Variants in AKT3 observed in about 807,000 individuals in gnomAD.
AKT3 encodes AKT serine/threonine kinase 3.
In AKT3, 15 loss-of-function variants were observed where a neutral mutation model predicts 65.3. The observed-to-expected ratio is 0.23, with a 90% CI of 0.15 to 0.35. AKT3 has a LOEUF of 0.35. AKT3 is among the 10% of genes least tolerant of loss of function. The pLI is 1.00. For synonymous variants in AKT3, 206 were observed against 183.8 expected (o/e 1.12, Z -0.98); for missense variants, 243 against 576.5 (o/e 0.42, Z 5.92).
intron 11 of AKT3, among the ~76,000 whole-genome samples, chr1:243,547,396 A>C (rs920689653): frequency 2.6e-5 from 4 of 152,210 alleles, no homozygotes; most frequent in Non-Finnish European, 5.9e-5. Context: ...ATAATATACA[A>C]CCAGCTCATA....
chr1:243,836,200 ATACAAG>A (rs1350865421), intron 2 of AKT3, among the ~76,000 whole-genome samples: 2 of 152,292 alleles, frequency 1.3e-5, no homozygotes, highest in East Asian at 3.9e-4. Flanking sequence ...AGTTGAAAAG[ATACAAG>A]ATGCAAACAC....
intron 10 of AKT3, among the ~76,000 whole-genome samples, chr1:243,562,367 T>C (rs539412994): frequency 6.6e-6 from 1 of 152,282 alleles, no homozygotes; most frequent in African/African-American, 2.4e-5. Context: ...GCTGGAGTGA[T>C]GAAAATATTC....
chr1:243,584,356 C>T (rs1049683190), intron 8 of AKT3, among the ~76,000 whole-genome samples: 6 of 151,976 alleles, frequency 3.9e-5, no homozygotes, highest in African/African-American at 1.2e-4. Flanking sequence ...CCAAACAAGA[C>T]GGATTCACAG....
rs551977624 is a variant in AKT3 at position 243,703,710 on chromosome 1, G to A, written c.47-7994C>T. Among the ~76,000 whole-genome samples, 175 of 142,990 alleles carry A rather than the reference G, an allele frequency of 1.2e-3. 1 individual carries two copies. The highest frequency in any genetic ancestry group is 2.0e-3 in the Non-Finnish European group (134 of 66,694). 93.8% of individuals were successfully genotyped at this position (142,990 alleles called of 152,430 possible). A position where few individuals can be genotyped will look rare whatever the true frequency, so the allele number is the denominator to read the frequency against. ...AGGAAGCGGGAGGTTGCAGTGAGCC[G>A]AGATTGCACCACTGCACTCCAATCT... On this transcript the variant is annotated intron_variant, in intron 2 of 13. Transcript: ENST00000673466.
chr1:243,569,903 T>C (rs1574626534), intron 9 of AKT3, among the ~76,000 whole-genome samples: 1 of 152,232 alleles, frequency 6.6e-6, no homozygotes, highest in Non-Finnish European at 1.5e-5. Flanking sequence ...AACATATAAT[T>C]TGGACTACTG....
At chr1:243,730,925 C>T (rs966345857) in intron 2 of AKT3, among the ~76,000 whole-genome samples, 6 of 152,204 alleles carry the variant, frequency 3.9e-5, no homozygotes, top group African/African-American at 1.2e-4. Context: ...CACAGCTGGC[C>T]GGACCCTGTG....
chr1:243,735,986 T>C lies in AKT3; in HGVS notation c.47-40270A>G, dbSNP rs1473716164. ...CAGTGGTAAGTAATTTAGGGGGAGATGCATTTAGCTTTGGTTATATTTAGC... is the reference window on the plus strand; with the variant it reads ...CAGTGGTAAGTAATTTAGGGGGAGACGCATTTAGCTTTGGTTATATTTAGC... On this transcript the variant is annotated intron_variant, in intron 2 of 13. Transcript: ENST00000673466. Among the ~76,000 whole-genome samples the C allele has an allele frequency of 2.6e-5, 4 of 152,240 alleles. No individual in the cohort carries two copies. In the East Asian group the frequency reaches 7.7e-4, roughly 29 times the overall value.
chr1:243,589,314 A>AAG (rs1676043571), intron 8 of AKT3, among the ~76,000 whole-genome samples: 2 of 150,246 alleles, frequency 1.3e-5, no homozygotes, highest in South Asian at 4.2e-4. Context: ...CTCAAAAAAA[A>AAG]AAAAAAAAAA....
intron 4 of AKT3, among the ~76,000 whole-genome samples, chr1:243,647,118 C>G (rs1189761150): frequency 1.3e-5 from 2 of 152,128 alleles, no homozygotes; most frequent in Admixed American, 6.5e-5. Flanking sequence ...CTTTAATTTC[C>G]CAATGCAATG....
chr1:243,741,914 T>C (rs1055250833), intron 2 of AKT3: 2 of 152,074 alleles, frequency 1.3e-5, no homozygotes, highest in African/African-American at 2.4e-5. Flanking sequence ...TTATTCCAAT[T>C]AGACTATGAG....
At position 243,558,262 on chromosome 1, in the gene AKT3, T is replaced by C. The variant is rs139029363; in HGVS notation, c.949-5319A>G. Among the ~76,000 whole-genome samples, 130 of 152,224 alleles carry C rather than the reference T, an allele frequency of 8.5e-4. 1 individual carries two copies. Among genetic ancestry groups the C allele is most frequent in the African/African-American group, 2.9e-3 (121 of 41,576 alleles). On this transcript the variant is annotated intron_variant, in intron 10 of 13. Transcript: ENST00000673466. ...CTTTACTACCTTTTGTGGAAGTTAATATATATCTTTGGTTTTTAATTTATA... is the reference window on the plus strand; with the variant it reads ...CTTTACTACCTTTTGTGGAAGTTAACATATATCTTTGGTTTTTAATTTATA...
In AKT3 at chr1:243,615,065, C is replaced by G. The variant is rs368860165; in HGVS notation, c.627+31G>C. 33 of 1,424,606 alleles carry G rather than the reference C, an allele frequency of 2.3e-5. No homozygotes were observed. The African/African-American group carries it at 4.3e-4, about 19-fold the overall frequency. 88.2% of individuals were successfully genotyped at this position (1,424,606 alleles called of 1,614,324 possible). On this transcript the variant is annotated intron_variant, in intron 7 of 13. Transcript: ENST00000673466. ...AAAATTCCTTAAATTTCAAATGTTACGATTATAACATCTGTCCTCTAGTCA... is the reference window on the plus strand; with the variant it reads ...AAAATTCCTTAAATTTCAAATGTTAGGATTATAACATCTGTCCTCTAGTCA...
chr1:243,609,336 G>C (rs139877262), intron 8 of AKT3, among the ~76,000 whole-genome samples: 5 of 18,426 alleles, frequency 2.7e-4, no homozygotes, highest in Non-Finnish European at 3.8e-4. Flanking sequence ...TTCATTTTCT[G>C]TGTGTGTGTG....
At chr1:243,489,989 C>T (rs997961107) in intron 13 of AKT3, among the ~76,000 whole-genome samples, 1 of 152,202 alleles carries the variant, frequency 6.6e-6, no homozygotes, top group Non-Finnish European at 1.5e-5. Context: ...ATGAGGTGGT[C>T]CGTGGGCTGA....
chr1:243,665,994 T>G (rs1384660285), intron 3 of AKT3, among the ~76,000 whole-genome samples: 1 of 152,126 alleles, frequency 6.6e-6, no homozygotes, highest in African/African-American at 2.4e-5. Context: ...TTTACTCAGA[T>G]TAGCTGTGTT....
intron 2 of AKT3, among the ~76,000 whole-genome samples, chr1:243,819,921 T>C (rs538120353): frequency 1.6e-4 from 25 of 151,678 alleles, no homozygotes; most frequent in African/African-American, 5.8e-4. Context: ...AGGGGCCTGT[T>C]TTTTTGTTTT....
chr1:243,496,271 G>A (rs112223723), downstream of AKT3, among the ~76,000 whole-genome samples: 4,605 of 152,318 alleles, frequency 0.03, 86 homozygotes, highest in Middle Eastern at 0.051. Context: ...GAGCGGGTGC[G>A]GGCGGAGCCG....
Position 243,780,506 on chromosome 1 carries a change from T to C in AKT3, c.46+62619A>G, listed in dbSNP as rs138526710. On this transcript the variant is annotated intron_variant, in intron 2 of 13. Coordinates refer to ENST00000673466, the MANE Select transcript of AKT3 (RefSeq NM_005465.7). ...TAAAGGAGGCATCATGTCTCAAATT[T>C]ACCCTAAAATGGTTCAGGAAAAAAT... Among the ~76,000 whole-genome samples, 604 of 151,912 alleles carry C rather than the reference T, an allele frequency of 4.0e-3. 3 individuals are homozygous for C. Among genetic ancestry groups the C allele is most frequent in the Non-Finnish European group, 6.0e-3 (405 of 67,836 alleles).
chr1:243,540,482 G>A (rs191227311), intron 12 of AKT3, among the ~76,000 whole-genome samples: 1 of 152,118 alleles, frequency 6.6e-6, no homozygotes, highest in East Asian at 1.9e-4. Context: ...ATAACATCAT[G>A]TTTTTATAAC....
Sources: allele counts gnomAD v4.1 joint callset (sites outside exome capture counted in the v4.1 genomes callset), GRCh38; gene constraint gnomAD v4.1.1; transcripts MANE v1.5; gene names NCBI Gene and HGNC (gene_info 2026-07-23, HGNC 2026-07-21).